The following LRFN2 variants were observed in gnomAD, a reference collection of about 807,000 sequenced individuals.
The protein encoded by LRFN2 is leucine rich repeat and fibronectin type III domain containing 2.
LRFN2 carries 18 observed loss-of-function variants against 37.3 expected under a neutral mutation model. The observed-to-expected ratio is 0.48, with a 90% confidence interval of 0.33 to 0.72. LRFN2 has a LOEUF of 0.72. LRFN2 is among the 30% of genes least tolerant of loss of function. LRFN2 has a pLI of 0.02. For missense variants in LRFN2, 1,006 were observed against 1,060.7 expected, an observed-to-expected ratio of 0.95 and a Z score of 0.72; for synonymous variants, 556 against 466.6, an observed-to-expected ratio of 1.19 and a Z score of -2.47.
intron 1 of LRFN2, among the ~76,000 whole-genome samples, chr6:40,506,821 G>A (rs986341945): frequency 6.6e-6 from 1 of 152,100 alleles, no homozygotes; most frequent in Non-Finnish European, 1.5e-5. Context: ...CCCTGACACT[G>A]CCAGTAACTG....
At chr6:40,409,395 G>A (rs1469295482) in intron 2 of LRFN2, among the ~76,000 whole-genome samples, 6 of 152,176 alleles carry the variant, frequency 3.9e-5, no homozygotes, top group Non-Finnish European at 5.9e-5. Flanking sequence ...AAATGGGTTC[G>A]TAACAGCAAT....
At chr6:40,509,422 T>TGTA (rs775214418) in intron 1 of LRFN2, among the ~76,000 whole-genome samples, 2 of 152,238 alleles carry the variant, frequency 1.3e-5, no homozygotes, top group Non-Finnish European at 2.9e-5. Context: ...AGCAGCTCAA[T>TGTA]GTAGTGGGTC....
At chr6:40,486,192 T>TGTGGGCA (rs933749357) in intron 1 of LRFN2, among the ~76,000 whole-genome samples, 1 of 152,062 alleles carries the variant, frequency 6.6e-6, no homozygotes, top group Non-Finnish European at 1.5e-5. Flanking sequence ...AAGATGCAGG[T>TGTGGGCA]GTGGGCAGTG....
At chr6:40,486,311 A>G (rs759009952) in intron 1 of LRFN2, among the ~76,000 whole-genome samples, 10 of 152,250 alleles carry the variant, frequency 6.6e-5, no homozygotes, top group South Asian at 2.1e-4. Context: ...CAGCCACCCA[A>G]TGAGTAATCT....
chr6:40,488,383 G>T (rs988889367), intron 1 of LRFN2, among the ~76,000 whole-genome samples: 1 of 144,742 alleles, frequency 6.9e-6, no homozygotes, highest in Non-Finnish European at 1.5e-5. Flanking sequence ...CATTCCCTCT[G>T]CCTTGCTCCT....
At chr6:40,435,084 G>C (rs199700795) in intron 1 of LRFN2, among the ~76,000 whole-genome samples, 1,328 of 131,200 alleles carry the variant, frequency 0.01, 12 homozygotes, top group East Asian at 0.029. Context: ...GAGAGAGAGA[G>C]AGAGAGACAG....
chr6:40,401,028 G>A (rs1222444223), intron 2 of LRFN2, among the ~76,000 whole-genome samples: 1 of 151,602 alleles, frequency 6.6e-6, no homozygotes, highest in Admixed American at 6.6e-5. Flanking sequence ...CACATCCTCT[G>A]AAACTTCTGA....
At chr6:40,537,540 CTCT>C (rs1184106125) in intron 1 of LRFN2, among the ~76,000 whole-genome samples, 2 of 152,164 alleles carry the variant, frequency 1.3e-5, no homozygotes, top group Non-Finnish European at 2.9e-5. Context: ...CTTCAACTGC[CTCT>C]TCAACGCTTC....
intron 1 of LRFN2, among the ~76,000 whole-genome samples, chr6:40,511,783 A>G (rs1765715240): frequency 6.6e-6 from 1 of 152,218 alleles, no homozygotes; most frequent in African/African-American, 2.4e-5. Context: ...GTGAGGGAGA[A>G]GAAGGGGCAC....
At chr6:40,492,324 C>T (rs1389472330) in intron 1 of LRFN2, among the ~76,000 whole-genome samples, 1 of 152,168 alleles carries the variant, frequency 6.6e-6, no homozygotes, top group East Asian at 1.9e-4. Flanking sequence ...ACCTGCTCTC[C>T]TTCCTGCTCG....
intron 1 of LRFN2, among the ~76,000 whole-genome samples, chr6:40,454,826 A>T (rs1488139335): frequency 5.9e-5 from 9 of 152,234 alleles, no homozygotes; most frequent in Non-Finnish European, 1.2e-4. Flanking sequence ...CCTATAGCTT[A>T]CCCATATGTG....
intron 2 of LRFN2, among the ~76,000 whole-genome samples, chr6:40,407,463 G>A (rs1048206743): frequency 2.0e-5 from 3 of 152,200 alleles, no homozygotes; most frequent in Non-Finnish European, 4.4e-5. Flanking sequence ...CTTCTGTGGT[G>A]AGTGTGAGAA....
intron 1 of LRFN2, among the ~76,000 whole-genome samples, chr6:40,504,465 T>C (rs1009366735): frequency 1.3e-5 from 2 of 152,102 alleles, no homozygotes; most frequent in African/African-American, 4.8e-5. Flanking sequence ...ACCACTGTCA[T>C]ACTAAAGAAG....
At chr6:40,569,635 GA>G (rs1767152066) in intron 1 of LRFN2, among the ~76,000 whole-genome samples, 1 of 152,146 alleles carries the variant, frequency 6.6e-6, no homozygotes, top group South Asian at 2.1e-4. Context: ...TTAAACTGGG[GA>G]CCAGCAAGTC....
chr6:40,560,049 C>G (rs949147706), intron 1 of LRFN2, among the ~76,000 whole-genome samples: 3 of 152,220 alleles, frequency 2.0e-5, no homozygotes, highest in Non-Finnish European at 4.4e-5. Flanking sequence ...TGCATTGTCT[C>G]GGTTAGCCCT....
Position 40,536,440 on chromosome 6 carries a change from G to A in LRFN2, c.-19+50501C>T, listed in dbSNP as rs1010861520. Among the ~76,000 whole-genome samples, 8 of 152,288 alleles carry A rather than the reference G, an allele frequency of 5.3e-5. No individual in the cohort carries two copies. The East Asian group carries it at 1.5e-3, about 29-fold the overall frequency. On this transcript the variant is annotated intron_variant, in intron 1 of 2. Coordinates refer to ENST00000338305, the MANE Select transcript of LRFN2 (RefSeq NM_020737.3). ...TACACACATGTTAACTATTCCCCAA[G>A]GTCACAGTGTGACTTAACAGAATGA...
intron 1 of LRFN2, among the ~76,000 whole-genome samples, chr6:40,552,065 G>A (rs553399303): frequency 1.3e-5 from 2 of 152,296 alleles, no homozygotes; most frequent in South Asian, 4.1e-4. Context: ...TCCCACACCA[G>A]GGGCTATGTC....
intron 1 of LRFN2, among the ~76,000 whole-genome samples, chr6:40,509,474 T>A (rs1765635191): frequency 6.6e-6 from 1 of 152,208 alleles, no homozygotes; most frequent in Non-Finnish European, 1.5e-5. Context: ...GAGAGCAGAA[T>A]GAAATGGCAC....
At position 40,392,413 on chromosome 6, in the gene LRFN2, C is replaced by A. The variant is rs574860936; in HGVS notation, c.1900G>T (p.Gly634Trp). 13 of 1,568,642 alleles carry A rather than the reference C, an allele frequency of 8.3e-6. No individual in the cohort carries two copies. The African/African-American group carries it at 1.4e-4, about 16-fold the overall frequency. ...ATCCTCCAGGGGGCCCGTCCCAGCCCCGCAGCCTCCCCACTGCCCAGGGAG... is the reference window on the plus strand; with the variant it reads ...ATCCTCCAGGGGGCCCGTCCCAGCCACGCAGCCTCCCCACTGCCCAGGGAG... Reference protein sequence around the residue: ...SSSLGSGEAAGLGRAPWRIPP... With the variant: ...SSSLGSGEAAWLGRAPWRIPP... The change falls in exon 3 of 3, where the codon GGG (glycine) becomes TGG (tryptophan). Residue 634 changes from glycine (G) to tryptophan (W), a missense_variant. This residue lies in a region of LRFN2 where 398 missense variants were observed against 327.6 expected (regional missense o/e 1.21). Transcript: ENST00000338305. The surrounding 1 kb of genome is among the most constrained non-coding windows in gnomAD (Gnocchi z 4.7).
Sources: allele counts gnomAD v4.1 joint callset (sites outside exome capture counted in the v4.1 genomes callset), GRCh38; gene constraint gnomAD v4.1.1; regional missense constraint gnomAD v4.1.1; non-coding constraint Gnocchi (gnomAD v3.1); transcripts MANE v1.5; gene names NCBI Gene and HGNC (gene_info 2026-07-23, HGNC 2026-07-21).